PSMD1: variants seen among roughly 807,000 people sequenced by gnomAD.
PSMD1 encodes the protein proteasome 26S subunit, non-ATPase 1.
PSMD1 carries 18 observed loss-of-function variants against 119.0 expected under a neutral mutation model. The observed-to-expected ratio is 0.15, with a 90% CI of 0.10 to 0.22. The LOEUF is 0.22. PSMD1 is among the 10% of genes least tolerant of loss of function. The pLI, the probability that PSMD1 is intolerant of heterozygous loss-of-function variation, is 1.00. For missense variants in PSMD1, 702 were observed against 1,158.5 expected (o/e 0.61, Z 5.72); for synonymous variants, 374 against 396.6 (o/e 0.94, Z 0.68).
intron 11 of PSMD1, among the ~76,000 whole-genome samples, chr2:231,079,816 T>G (rs1469972062): frequency 6.6e-6 from 1 of 152,224 alleles, no homozygotes; most frequent in African/African-American, 2.4e-5. Context: ...GGAAATTTGT[T>G]TCTATAAAGA....
chr2:231,058,018 G>A (rs1000036910), intron 1 of PSMD1, among the ~76,000 whole-genome samples: 5 of 152,222 alleles, frequency 3.3e-5, no homozygotes, highest in Middle Eastern at 3.2e-3. Context: ...TTTTTATGAG[G>A]ATTGGTTAAG....
chr2:231,157,430 C>CTT (rs756874279), intron 19 of PSMD1, among the ~76,000 whole-genome samples: 33 of 128,910 alleles, frequency 2.6e-4, no homozygotes, highest in Middle Eastern at 8.3e-3. Flanking sequence ...TTTTCTTTTT[C>CTT]TTTTTTTTTT....
At chr2:231,098,457 CTCTG>C (rs201438101) in intron 16 of PSMD1, among the ~76,000 whole-genome samples, 2,331 of 151,904 alleles carry the variant, frequency 0.015, 60 homozygotes, top group African/African-American at 0.053. Flanking sequence ...TTCTCTCTCT[CTCTG>C]TCTCTTTCTC....
intron 2 of PSMD1, among the ~76,000 whole-genome samples, chr2:231,061,807 T>C (rs780916015): frequency 6.6e-6 from 1 of 152,144 alleles, no homozygotes; most frequent in Non-Finnish European, 1.5e-5. Context: ...TGGGCTCAAG[T>C]GATCCCCCCG....
intron 16 of PSMD1, chr2:231,108,559 T>C: frequency 6.2e-7 from 1 of 1,614,048 alleles, no homozygotes; most frequent in Non-Finnish European, 8.5e-7. Context: ...CACCTTCATT[T>C]TCAGTGAGGA....
intron 8 of PSMD1, 150 bp downstream of exon 8, chr2:231,075,721 T>C: frequency 1.5e-6 from 1 of 654,346 alleles, no homozygotes; most frequent in South Asian, 2.1e-5. Flanking sequence ...ATGGCTGGGA[T>C]TGCAGGCATG....
intron 19 of PSMD1, among the ~76,000 whole-genome samples, chr2:231,158,441 TAAA>T (rs1329992709): frequency 6.6e-6 from 1 of 152,234 alleles, no homozygotes; most frequent in African/African-American, 2.4e-5. Context: ...AAGCCGAAGA[TAAA>T]GAAGTTGATT....
chr2:231,145,197 G>A (rs1696223721), intron 17 of PSMD1, among the ~76,000 whole-genome samples: 1 of 152,228 alleles, frequency 6.6e-6, no homozygotes, highest in Admixed American at 6.5e-5. Flanking sequence ...AGAAATGGCA[G>A]TTCCGTGAAT....
At chr2:231,108,592 T>C in intron 16 of PSMD1, 1 of 1,613,990 alleles carries the variant, frequency 6.2e-7, no homozygotes, top group Non-Finnish European at 8.5e-7. Context: ...GTAGAATGAT[T>C]GATGAAGACT....
intron 16 of PSMD1, chr2:231,123,422 T>C (rs1227106729): frequency 1.9e-6 from 3 of 1,612,858 alleles, no homozygotes. Flanking sequence ...CCAAACATTA[T>C]TGTCAAGAGG....
chr2:231,131,871 A>G (rs1159453981), intron 16 of PSMD1, among the ~76,000 whole-genome samples: 1 of 152,120 alleles, frequency 6.6e-6, no homozygotes, highest in Non-Finnish European at 1.5e-5. Flanking sequence ...TGTACTCTTG[A>G]AAAGATTGAA....
At chr2:231,116,495 T>C (rs1559237422) in intron 16 of PSMD1, among the ~76,000 whole-genome samples, 1 of 152,046 alleles carries the variant, frequency 6.6e-6, no homozygotes, top group African/African-American at 2.4e-5. Flanking sequence ...AGTTATGGAT[T>C]ATACTTCTGA....
Position 231,077,144 on chromosome 2 carries a change from G to A in PSMD1, c.1053G>A (p.Met351Ile), listed in dbSNP as rs767877524. Residue 351 changes from methionine (M) to isoleucine (I), a missense_variant, in exon 9 of 25, where the codon ATG (methionine) becomes ATA (isoleucine). Coordinates refer to ENST00000308696, the MANE Select transcript of PSMD1 (RefSeq NM_002807.4). The part of the protein sequence containing the change: ...FLIRNNNTDL[M>I]ILKNTKDAVR... Reference sequence around the variant, plus strand: ...TACGAAACAATAATACAGACCTCATGATTCTAAAAAACACAAAGGTAAGAA... The same window carrying A: ...TACGAAACAATAATACAGACCTCATAATTCTAAAAAACACAAAGGTAAGAA... 27 of 1,536,768 alleles carry A rather than the reference G, an allele frequency of 1.8e-5. No homozygotes were observed. The highest frequency in any genetic ancestry group is 6.4e-5 in the South Asian group (5 of 78,694).
At chr2:231,123,795 C>T (rs769725741) in intron 16 of PSMD1, 5 of 1,501,748 alleles carry the variant, frequency 3.3e-6, no homozygotes, top group East Asian at 2.3e-5. Flanking sequence ...AATCCCGTTC[C>T]GAACAGTGGT....
chr2:231,153,487 G>A, intron 18 of PSMD1, 77 bp from the exon 19 acceptor site: 2 of 1,003,512 alleles, frequency 2.0e-6, no homozygotes. Context: ...TATCATTGGA[G>A]CAATATTATT....
chr2:231,168,395 C>T (rs894868571), intron 23 of PSMD1, among the ~76,000 whole-genome samples: 1 of 152,036 alleles, frequency 6.6e-6, no homozygotes, highest in Non-Finnish European at 1.5e-5. Flanking sequence ...AGCCATAAAA[C>T]GGAAACAACT....
intron 18 of PSMD1, among the ~76,000 whole-genome samples, chr2:231,150,572 T>C (rs1408001362): frequency 6.6e-6 from 1 of 152,136 alleles, no homozygotes; most frequent in Admixed American, 6.5e-5. Context: ...TTATCATTTA[T>C]CCTACTTAGT....
At chr2:231,070,491 G>A (rs991889419) in intron 6 of PSMD1, among the ~76,000 whole-genome samples, 1 of 152,064 alleles carries the variant, frequency 6.6e-6, no homozygotes, top group East Asian at 1.9e-4. Context: ...TTAAAACAGT[G>A]CCTATGCTAT....
intron 8 of PSMD1, 103 bp downstream of exon 8, chr2:231,075,674 G>A: frequency 9.8e-7 from 1 of 1,015,370 alleles, no homozygotes; most frequent in Non-Finnish European, 1.4e-6. Flanking sequence ...CTGCCTCCCA[G>A]GCTCAAGCTT....
Sources: gnomAD v4.1 joint callset for allele counts (sites outside exome capture counted in the v4.1 genomes callset) on GRCh38, gnomAD v4.1.1 for gene constraint, MANE v1.5 for transcripts, NCBI Gene and HGNC (gene_info 2026-07-23, HGNC 2026-07-21) for gene names.